Variants in RBMS3 observed in about 807,000 individuals in gnomAD.
The protein encoded by RBMS3 is RNA binding motif single stranded interacting protein 3.
In RBMS3, 27 loss-of-function variants were observed where a neutral mutation model predicts 66.8. That is an observed-to-expected ratio of 0.40 (90% CI 0.30 to 0.56). The LOEUF (loss-of-function observed/expected upper bound fraction) is 0.56, where lower values mean the gene tolerates loss of function less well. Ranked by LOEUF, RBMS3 falls within the 20% of genes least tolerant of loss-of-function variation. The probability of loss-of-function intolerance (pLI) is 0.40; values close to 1 mark genes in which losing one functional copy is unlikely to be tolerated. For synonymous variants in RBMS3, 188 were observed against 183.0 expected (o/e 1.03, Z -0.22); for missense variants, 513 against 549.5 (o/e 0.93, Z 0.66).
At chr3:29,953,851 ACT>A (rs1213887250) in intron 12 of RBMS3, among the ~76,000 whole-genome samples, 1 of 151,696 alleles carries the variant, frequency 6.6e-6, no homozygotes, top group African/African-American at 2.4e-5. Context: ...CTAAAAAATG[ACT>A]CTTTCTTTAT....
At chr3:29,350,637 A>T (rs2036855322) in intron 1 of RBMS3, among the ~76,000 whole-genome samples, 1 of 152,124 alleles carries the variant, frequency 6.6e-6, no homozygotes, top group Non-Finnish European at 1.5e-5. Context: ...CTGCTCTGAA[A>T]GTGTCTGTCT....
intron 1 of RBMS3, among the ~76,000 whole-genome samples, chr3:29,414,755 G>A (rs540375565): frequency 1.3e-5 from 2 of 152,150 alleles, no homozygotes; most frequent in African/African-American, 4.8e-5. Flanking sequence ...AAGAAAATCT[G>A]TGCTTTCAAA....
At chr3:29,674,784 C>G (rs1027933698) in intron 4 of RBMS3, among the ~76,000 whole-genome samples, 1 of 150,276 alleles carries the variant, frequency 6.7e-6, no homozygotes, top group African/African-American at 2.4e-5. Flanking sequence ...ACATTCCATG[C>G]TCATGGATAG....
intron 1 of RBMS3, among the ~76,000 whole-genome samples, chr3:29,289,533 A>T (rs1010740803): frequency 1.3e-5 from 2 of 152,058 alleles, no homozygotes; most frequent in Non-Finnish European, 2.9e-5. Flanking sequence ...CTAATATTAT[A>T]AAAGCATAAA....
chr3:29,524,454 G>A (rs1576112286), intron 3 of RBMS3, among the ~76,000 whole-genome samples: 1 of 99,188 alleles, frequency 1.0e-5, no homozygotes, highest in Non-Finnish European at 1.9e-5. Flanking sequence ...TGGAGACGGA[G>A]TTTTGCTCTG....
chr3:29,678,482 A>G (rs930114251), intron 4 of RBMS3, among the ~76,000 whole-genome samples: 72 of 152,240 alleles, frequency 4.7e-4, no homozygotes, highest in Middle Eastern at 3.4e-3. Context: ...TTAATAACCA[A>G]CCAAGATTCT....
intron 1 of RBMS3, among the ~76,000 whole-genome samples, chr3:29,300,970 A>G (rs1192572408): frequency 6.6e-6 from 1 of 152,002 alleles, no homozygotes; most frequent in African/African-American, 2.4e-5. Flanking sequence ...AGCACAAAAC[A>G]TGTGGGACCA....
At chr3:29,988,109 A>AAGTTCACATGCATT (rs1228638223) in intron 12 of RBMS3, 34 bp from the exon 13 acceptor site, 1 of 1,540,334 alleles carries the variant, frequency 6.5e-7, no homozygotes, top group Non-Finnish European at 9.0e-7. Context: ...TTGCAGCTCA[A>AAGTTCACATGCATT]AGTTCACATG....
At chr3:29,406,557 C>A (rs1162524182) in intron 1 of RBMS3, among the ~76,000 whole-genome samples, 1 of 152,150 alleles carries the variant, frequency 6.6e-6, no homozygotes, top group African/African-American at 2.4e-5. Flanking sequence ...AGTTTTTACA[C>A]ATGATTTGTT....
intron 6 of RBMS3, among the ~76,000 whole-genome samples, chr3:29,778,577 T>C (rs9875351): frequency 0.79 from 119,706 of 151,204 alleles, 47,594 homozygotes; most frequent in East Asian, 0.88. Context: ...CTGCATTTTA[T>C]ATTATGTGTA....
At chr3:29,749,767 C>T (rs1193188950) in intron 5 of RBMS3, among the ~76,000 whole-genome samples, 2 of 152,156 alleles carry the variant, frequency 1.3e-5, no homozygotes, top group Non-Finnish European at 2.9e-5. Context: ...AAGTCAACTT[C>T]AATTCCTCAA....
chr3:29,393,466 A>G (rs891443747), intron 1 of RBMS3, among the ~76,000 whole-genome samples: 1 of 152,198 alleles, frequency 6.6e-6, no homozygotes, highest in African/African-American at 2.4e-5. Flanking sequence ...TTGTTATTCA[A>G]TGGAAAATCA....
Position 29,936,212 on chromosome 3 carries a change from T to G in RBMS3, c.1050+16T>G. The G allele has an allele frequency of 6.2e-7, 1 of 1,606,768 alleles. No individual in the cohort carries two copies. ...AACAGGAACGGTGAGTTGAAGAGAT[T>G]GTTTTGTTTCCTTGAACTTTTTTGA... On this transcript the variant is annotated intron_variant, in intron 11 of 14. Transcript: ENST00000383767.
chr3:29,654,323 A>G (rs1468550376), intron 4 of RBMS3, among the ~76,000 whole-genome samples: 1 of 152,174 alleles, frequency 6.6e-6, no homozygotes, highest in Admixed American at 6.5e-5. Flanking sequence ...TAAGTATTGG[A>G]CTACAAACTT....
intron 4 of RBMS3, among the ~76,000 whole-genome samples, chr3:29,678,672 A>G (rs1272143659): frequency 6.6e-6 from 1 of 152,134 alleles, no homozygotes; most frequent in East Asian, 1.9e-4. Flanking sequence ...ATATTTTGTC[A>G]CCCATGAGGA....
intron 12 of RBMS3, among the ~76,000 whole-genome samples, chr3:29,967,416 C>G (rs1696922391): frequency 6.6e-6 from 1 of 152,132 alleles, no homozygotes; most frequent in African/African-American, 2.4e-5. Flanking sequence ...CTGCCTCAGC[C>G]TCCTGAGTAG....
intron 1 of RBMS3, among the ~76,000 whole-genome samples, chr3:29,362,872 T>C (rs2037683079): frequency 6.6e-6 from 1 of 152,240 alleles, no homozygotes; most frequent in African/African-American, 2.4e-5. Context: ...TGTTCTTTAG[T>C]CCTTTTGGTA....
intron 1 of RBMS3, among the ~76,000 whole-genome samples, chr3:29,320,867 A>T (rs1347265950): frequency 6.6e-6 from 1 of 152,028 alleles, no homozygotes; most frequent in East Asian, 1.9e-4. Flanking sequence ...TAAAAGAATA[A>T]ACTTTGAAGT....
At chr3:29,941,099 C>A (rs907221026) in intron 11 of RBMS3, among the ~76,000 whole-genome samples, 1 of 151,822 alleles carries the variant, frequency 6.6e-6, no homozygotes, top group African/African-American at 2.4e-5. Context: ...TTTTGTTCTG[C>A]AGGTTTTGTA....
Sources: gnomAD v4.1 joint callset for allele counts (sites outside exome capture counted in the v4.1 genomes callset) on GRCh38, gnomAD v4.1.1 for gene constraint, MANE v1.5 for transcripts, NCBI Gene and HGNC (gene_info 2026-07-23, HGNC 2026-07-21) for gene names.